The following PLD1 variants were observed in gnomAD, a reference collection of about 807,000 sequenced individuals.
PLD1 encodes the protein choline phosphatase 1.
Under a neutral mutation model 137.1 loss-of-function variants are expected in PLD1, and 112 were observed. The ratio of observed to expected loss-of-function variants is 0.82; its 90% confidence interval spans 0.70 to 0.96. PLD1 has a LOEUF of 0.96. PLD1 is among the 40% of genes least tolerant of loss of function. PLD1 has a pLI of 0.00. For synonymous variants in PLD1, 431 were observed against 454.7 expected, an observed-to-expected ratio of 0.95 and a Z score of 0.66; for missense variants, 1,321 against 1,342.0, an observed-to-expected ratio of 0.98 and a Z score of 0.24.
chr3:171,796,128 CTT>C (rs1017812235), intron 1 of PLD1, among the ~76,000 whole-genome samples: 2 of 152,164 alleles, frequency 1.3e-5, no homozygotes, highest in African/African-American at 4.8e-5. Context: ...TTGCTGTCCA[CTT>C]TTTGTAAGTA....
chr3:171,764,879 GAA>G (rs1364800575), intron 1 of PLD1, among the ~76,000 whole-genome samples: 1,425 of 24,692 alleles, frequency 0.058, 181 homozygotes, highest in Middle Eastern at 0.17. Context: ...AAGAAAGAAA[GAA>G]AGAAAGAAAG....
intron 20 of PLD1, among the ~76,000 whole-genome samples, chr3:171,659,513 TAATC>T (rs1386989726): frequency 6.6e-6 from 1 of 152,232 alleles, no homozygotes; most frequent in Non-Finnish European, 1.5e-5. Flanking sequence ...CTGTAACACT[TAATC>T]AAGTGGAAAG....
chr3:171,725,282 C>A (rs1718420195), intron 7 of PLD1, among the ~76,000 whole-genome samples: 1 of 152,166 alleles, frequency 6.6e-6, no homozygotes, highest in Non-Finnish European at 1.5e-5. Context: ...TTTCCACATG[C>A]CTGCACAGGG....
intron 1 of PLD1, among the ~76,000 whole-genome samples, chr3:171,764,827 G>C (rs13084764): frequency 3.2e-5 from 2 of 63,406 alleles, no homozygotes; most frequent in East Asian, 9.2e-4. Context: ...GAAAGAAAGA[G>C]AAAGAAAGAA....
Position 171,709,559 on chromosome 3 carries a change from C to T in PLD1, c.1061+1G>A, listed in dbSNP as rs1170016212. On this transcript the variant is annotated splice_donor_variant, in intron 10 of 26. Transcript: ENST00000351298. LOFTEE classifies it high-confidence loss of function. ...ACAGGCTTAGAGAAATAATAACTTA[C>T]CATTTAGCTAAAGCATTCTCTTGGA... 1 of 1,613,164 alleles carries T rather than the reference C, an allele frequency of 6.2e-7. No homozygotes were observed. The highest frequency in any genetic ancestry group is 8.5e-7 in the Non-Finnish European group (1 of 1,179,410).
At chr3:171,766,870 TTG>T (rs1333233668) in intron 1 of PLD1, among the ~76,000 whole-genome samples, 1 of 152,206 alleles carries the variant, frequency 6.6e-6, no homozygotes, top group Non-Finnish European at 1.5e-5. Flanking sequence ...TTGTTCTATA[TTG>T]TTAAAGGTTC....
rs2108252009 is a variant in PLD1 at position 171,605,343 on chromosome 3, C to A, written c.2956G>T (p.Val986Leu). Residue 986 changes from valine (V) to leucine (L), a missense_variant, in exon 26 of 27, where the codon GTG (valine) becomes TTG (leucine). Val to Leu is a conservative substitution (Grantham distance 32). Transcript: ENST00000351298. The stretch of plus-strand genomic sequence containing the variant: ...TTTCGAGCTGCTGTTGAAACCCACA[C>A]CTCCTTGAAGAATTTGTCACTCACT... ...DPVSDKFFKE[V>L]WVSTAARNAT... 1 of 1,613,746 alleles carries A rather than the reference C, an allele frequency of 6.2e-7. No individual in the cohort carries two copies. Among genetic ancestry groups the A allele is most frequent in the Non-Finnish European group, 8.5e-7 (1 of 1,179,668 alleles).
At chr3:171,634,748 A>G (rs1400611091) in intron 23 of PLD1, among the ~76,000 whole-genome samples, 2 of 152,214 alleles carry the variant, frequency 1.3e-5, no homozygotes, top group Non-Finnish European at 1.5e-5. Flanking sequence ...TAAAGTTTCC[A>G]AATCATTTAA....
chr3:171,793,003 A>G (rs575345198), intron 1 of PLD1: 1 of 286,834 alleles, frequency 3.5e-6, no homozygotes, highest in African/African-American at 2.2e-5. Flanking sequence ...GGAGACTTGC[A>G]TTGAAGGTCC....
chr3:171,603,235 G>T lies in PLD1; in HGVS notation c.3068C>A (p.Pro1023His). Residue 1023 changes from proline (P) to histidine (H), a missense_variant, in exon 27 of 27, where the codon CCC becomes CAC. Pro to His is a moderately conservative substitution (Grantham distance 77). Transcript: ENST00000351298. The stretch of plus-strand genomic sequence containing the variant: ...AATGGGATCTTCCTTAGCTAATACG[G>T]GCTTGTTTATAAAGTCTCTCAGCTG... ...LIQLRDFINK[P>H]VLAKEDPIRA... The T allele has an allele frequency of 1.2e-6, 2 of 1,613,956 alleles. No homozygotes were observed. The highest frequency in any genetic ancestry group is 1.7e-6 in the Non-Finnish European group (2 of 1,179,972).
At chr3:171,720,501 T>G (rs1439041086) in intron 8 of PLD1, among the ~76,000 whole-genome samples, 1 of 150,758 alleles carries the variant, frequency 6.6e-6, no homozygotes, top group Non-Finnish European at 1.5e-5. Flanking sequence ...GAGAACGGCA[T>G]GAATCTGGGA....
Position 171,674,136 on chromosome 3 carries a change from G to A in PLD1, c.2229+364C>T, listed in dbSNP as rs183950025. ...GTTAATCAGGAACTAAAATTAGACT[G>A]AACTACAACTAGCTTCCTAGCTGCT... On this transcript the variant is annotated intron_variant, in intron 19 of 26. Transcript: ENST00000351298. 6.6e-4 allele frequency among the ~76,000 whole-genome samples: 101 copies of A among 152,332 alleles called. 1 individual carries two copies. Among genetic ancestry groups the A allele is most frequent in the African/African-American group, 2.4e-3 (98 of 41,588 alleles).
intron 4 of PLD1, among the ~76,000 whole-genome samples, 198 bp from the exon 5 acceptor site, chr3:171,735,168 A>C (rs1379865541): frequency 6.6e-6 from 1 of 152,182 alleles, no homozygotes; most frequent in Non-Finnish European, 1.5e-5. Context: ...GTACTCTGTC[A>C]CCCAGGATGG....
intron 16 of PLD1, among the ~76,000 whole-genome samples, chr3:171,684,261 T>C (rs1295564764): frequency 6.6e-6 from 1 of 152,168 alleles, no homozygotes; most frequent in Admixed American, 6.5e-5. Context: ...ATAATTCAGA[T>C]CCATAATCTT....
At chr3:171,803,528 G>T (rs776891023) in intron 1 of PLD1, among the ~76,000 whole-genome samples, 1 of 152,186 alleles carries the variant, frequency 6.6e-6, no homozygotes, top group Non-Finnish European at 1.5e-5. Context: ...TAGGTCAGGA[G>T]TTCAAGACCA....
In PLD1 at chr3:171,601,256, C is replaced by T. The variant is rs1173507009; in HGVS notation, c.*1822G>A. The T allele has an allele frequency of 6.6e-6, 1 of 152,058 alleles. No homozygotes were observed. The highest frequency in any genetic ancestry group is 1.5e-5 in the Non-Finnish European group (1 of 68,018). 9.4% of individuals were successfully genotyped at this position (152,058 alleles called of 1,614,324 possible). On this transcript the variant is annotated 3_prime_UTR_variant, in exon 27 of 27. Transcript: ENST00000351298. Reference sequence around the variant, plus strand: ...TAAATTACTTATAAGGGAAAGGGTCCTTTCAGGCTTTTTTCATGAGAGTAG... The same window carrying T: ...TAAATTACTTATAAGGGAAAGGGTCTTTTCAGGCTTTTTTCATGAGAGTAG...
intron 26 of PLD1, among the ~76,000 whole-genome samples, chr3:171,604,692 G>T (rs767310257): frequency 6.6e-6 from 1 of 152,130 alleles, no homozygotes; most frequent in African/African-American, 2.4e-5. Flanking sequence ...GCATCAAATG[G>T]AGCCGGTTTT....
intron 11 of PLD1, among the ~76,000 whole-genome samples, chr3:171,700,059 CTCTT>C: frequency 7.2e-6 from 1 of 139,698 alleles, no homozygotes; most frequent in Middle Eastern, 3.9e-3. Context: ...TCTCTCCCCC[CTCTT>C]TAACTGTCTC....
chr3:171,791,669 C>A (rs1178538179), intron 1 of PLD1: 1 of 152,224 alleles, frequency 6.6e-6, no homozygotes, highest in African/African-American at 2.4e-5. Context: ...TTTCTCCTCA[C>A]ACTGACTGTA....
Sources: gnomAD v4.1 joint callset for allele counts (sites outside exome capture counted in the v4.1 genomes callset) on GRCh38, gnomAD v4.1.1 for gene constraint, MANE v1.5 for transcripts, NCBI Gene and HGNC (gene_info 2026-07-23, HGNC 2026-07-21) for gene names.